PPM1L: variants seen among roughly 807,000 people sequenced by gnomAD.
The protein encoded by PPM1L is protein phosphatase 1L.
Under a neutral mutation model 31.4 loss-of-function variants are expected in PPM1L, and 13 were observed. That is an observed-to-expected ratio of 0.41 (90% CI 0.27 to 0.66). The LOEUF is 0.66. Among genes scored for constraint, PPM1L ranks in the 30% least tolerant of loss-of-function variants. The probability of loss-of-function intolerance (pLI) is 0.29; values close to 1 mark genes in which losing one functional copy is unlikely to be tolerated. For missense variants in PPM1L, 326 were observed against 453.7 expected (o/e 0.72, Z 2.56); for synonymous variants, 184 against 175.4 (o/e 1.05, Z -0.39).
At chr3:160,994,874 G>T (rs976615623) in intron 2 of PPM1L, among the ~76,000 whole-genome samples, 27 of 152,170 alleles carry the variant, frequency 1.8e-4, no homozygotes, top group African/African-American at 6.5e-4. Flanking sequence ...GGCAGTCAGA[G>T]AAAGGCTTGA....
At chr3:161,050,543 T>C (rs1340655615) in intron 2 of PPM1L, among the ~76,000 whole-genome samples, 3 of 152,192 alleles carry the variant, frequency 2.0e-5, no homozygotes, top group African/African-American at 7.2e-5. Context: ...ATTTCAAGTA[T>C]TTAAATGAAT....
chr3:161,055,737 CT>C (rs2108102170), intron 2 of PPM1L, among the ~76,000 whole-genome samples: 2 of 152,128 alleles, frequency 1.3e-5, no homozygotes, highest in African/African-American at 4.8e-5. Flanking sequence ...GCCTCCTCCC[CT>C]TCCTCACCCC....
At chr3:160,843,426 T>TATA (rs1713958611) in intron 1 of PPM1L, among the ~76,000 whole-genome samples, 22 of 47,528 alleles carry the variant, frequency 4.6e-4, no homozygotes, top group African/African-American at 1.5e-3. Context: ...GGCAATTCTT[T>TATA]TATATATATA....
At chr3:161,051,886 A>T (rs139117673) in intron 2 of PPM1L, among the ~76,000 whole-genome samples, 177 of 152,290 alleles carry the variant, frequency 1.2e-3, no homozygotes, top group African/African-American at 4.2e-3. Flanking sequence ...TATATCCCAT[A>T]ATTTCCTGAT....
chr3:161,032,094 T>A (rs1718584384), intron 2 of PPM1L, among the ~76,000 whole-genome samples: 1 of 152,208 alleles, frequency 6.6e-6, no homozygotes, highest in Non-Finnish European at 1.5e-5. Context: ...ATTTTAAAAT[T>A]ACTCCTTTGT....
At chr3:161,001,843 C>G (rs1485442045) in intron 2 of PPM1L, among the ~76,000 whole-genome samples, 1 of 151,542 alleles carries the variant, frequency 6.6e-6, no homozygotes, top group African/African-American at 2.4e-5. Flanking sequence ...TTTTTTAATT[C>G]ATTATTATTA....
At chr3:161,049,373 C>G (rs1719195957) in intron 2 of PPM1L, among the ~76,000 whole-genome samples, 1 of 152,134 alleles carries the variant, frequency 6.6e-6, no homozygotes, top group Non-Finnish European at 1.5e-5. Flanking sequence ...AAAGGAAATG[C>G]TCATTCGAGC....
At chr3:160,795,592 T>C (rs1712223643) in intron 1 of PPM1L, among the ~76,000 whole-genome samples, 1 of 152,172 alleles carries the variant, frequency 6.6e-6, no homozygotes, top group African/African-American at 2.4e-5. Context: ...AGCTGTAAAA[T>C]GGGAGACTTT....
intron 1 of PPM1L, among the ~76,000 whole-genome samples, chr3:160,958,239 A>C (rs1334888785): frequency 6.6e-6 from 1 of 152,164 alleles, no homozygotes; most frequent in East Asian, 1.9e-4. Context: ...GGCCATGCCT[A>C]TGTCCTGAAT....
intron 1 of PPM1L, among the ~76,000 whole-genome samples, chr3:160,810,737 G>T (rs749614124): frequency 3.3e-5 from 5 of 152,066 alleles, no homozygotes; most frequent in Non-Finnish European, 5.9e-5. Context: ...AAATTAAGGA[G>T]GTCATAAATT....
At chr3:160,876,975 G>A (rs952962071) in intron 1 of PPM1L, among the ~76,000 whole-genome samples, 4 of 152,164 alleles carry the variant, frequency 2.6e-5, no homozygotes. Flanking sequence ...ACAAGGAAAA[G>A]GTTAGTTTTA....
intron 1 of PPM1L, among the ~76,000 whole-genome samples, chr3:160,852,006 T>C (rs1711541161): frequency 6.6e-6 from 1 of 152,224 alleles, no homozygotes; most frequent in Non-Finnish European, 1.5e-5. Context: ...TATGTTCTGT[T>C]TTATACATAA....
At chr3:161,061,525 T>C (rs1719568341) in intron 2 of PPM1L, among the ~76,000 whole-genome samples, 1 of 152,206 alleles carries the variant, frequency 6.6e-6, no homozygotes, top group Non-Finnish European at 1.5e-5. Flanking sequence ...GGTTGTACAT[T>C]TGTGGATTCA....
chr3:160,811,209 G>T (rs1046388901), intron 1 of PPM1L, among the ~76,000 whole-genome samples: 8 of 152,248 alleles, frequency 5.3e-5, no homozygotes, highest in Admixed American at 2.0e-4. Context: ...GCCACTTTAA[G>T]AATGGAATGT....
intron 1 of PPM1L, among the ~76,000 whole-genome samples, chr3:160,925,882 G>C (rs1022122491): frequency 3.9e-5 from 6 of 152,204 alleles, no homozygotes; most frequent in African/African-American, 1.4e-4. Context: ...ATAGGGTGCT[G>C]ACATTCTTTA....
At chr3:160,835,652 C>T (rs768879467) in intron 1 of PPM1L, among the ~76,000 whole-genome samples, 16 of 152,072 alleles carry the variant, frequency 1.1e-4, no homozygotes, top group Admixed American at 3.9e-4. Context: ...ACAGACTTCT[C>T]CTAAGAATTT....
chr3:160,835,086 T>TTCTTCTTCTTCTTCTTTC (rs11474788), intron 1 of PPM1L, among the ~76,000 whole-genome samples: 3 of 106,220 alleles, frequency 2.8e-5, no homozygotes, highest in African/African-American at 1.1e-4. Context: ...CTTCTTCTTC[T>TTCTTCTTCTTCTTCTTTC]TTCTTTTTTC....
chr3:160,778,748 G>A (rs1331372799), intron 1 of PPM1L, among the ~76,000 whole-genome samples: 1 of 152,118 alleles, frequency 6.6e-6, no homozygotes, highest in African/African-American at 2.4e-5. Context: ...CCAATGTGTA[G>A]AGGCCAGAGA....
At chr3:160,965,243 T>C (rs2108111190) in intron 2 of PPM1L, among the ~76,000 whole-genome samples, 1 of 150,712 alleles carries the variant, frequency 6.6e-6, no homozygotes, top group Non-Finnish European at 1.5e-5. Context: ...AGAGCCTCCA[T>C]CTCAAAAAAA....
Sources: gnomAD v4.1 joint callset for allele counts (sites outside exome capture counted in the v4.1 genomes callset) on GRCh38, gnomAD v4.1.1 for gene constraint, MANE v1.5 for transcripts, NCBI Gene and HGNC (gene_info 2026-07-23, HGNC 2026-07-21) for gene names.